The following RIMS2 variants were observed in gnomAD, a reference collection of about 807,000 sequenced individuals.
RIMS2 encodes regulating synaptic membrane exocytosis 2, also known as regulating synaptic membrane exocytosis protein 2.
A neutral mutation model predicts 174.4 loss-of-function variants in RIMS2; 59 were observed. The ratio of observed to expected loss-of-function variants is 0.34; its 90% confidence interval spans 0.27 to 0.42. The LOEUF (loss-of-function observed/expected upper bound fraction) is 0.42, where lower values mean the gene tolerates loss of function less well. RIMS2 is among the 10% of genes least tolerant of loss of function. The pLI, the probability that RIMS2 is intolerant of heterozygous loss-of-function variation, is 1.00. For missense variants in RIMS2, 1,620 were observed against 1,666.3 expected, an observed-to-expected ratio of 0.97 and a Z score of 0.48; for synonymous variants, 606 against 572.5, an observed-to-expected ratio of 1.06 and a Z score of -0.84.
intron 4 of RIMS2, among the ~76,000 whole-genome samples, chr8:103,903,804 G>A (rs1594859959): frequency 6.6e-6 from 1 of 152,206 alleles, no homozygotes. Flanking sequence ...TGATGGGGTG[G>A]TGACAGTCTA....
intron 1 of RIMS2, among the ~76,000 whole-genome samples, chr8:103,676,101 A>G (rs2096806435): frequency 6.6e-6 from 1 of 152,204 alleles, no homozygotes; most frequent in Non-Finnish European, 1.5e-5. Flanking sequence ...TGGCCAGAAA[A>G]CTACCTTAAA....
chr8:104,000,815 G>A (rs1178530515), intron 17 of RIMS2, among the ~76,000 whole-genome samples: 1 of 151,856 alleles, frequency 6.6e-6, no homozygotes, highest in African/African-American at 2.4e-5. Flanking sequence ...AATTAGTGAT[G>A]TTGAGCATTT....
At chr8:103,886,346 T>A in intron 4 of RIMS2, 123 bp downstream of exon 7, 1 of 793,936 alleles carries the variant, frequency 1.3e-6, no homozygotes, top group Non-Finnish European at 1.9e-6. Context: ...AGTCTTTTAA[T>A]GGCATCGAAC....
intron 19 of RIMS2, among the ~76,000 whole-genome samples, chr8:104,180,804 T>C (rs2098935318): frequency 6.6e-6 from 1 of 151,734 alleles, no homozygotes; most frequent in Non-Finnish European, 1.5e-5. Context: ...ATTTTTTAAA[T>C]GTATTAATAA....
chr8:103,605,800 A>T (rs1319480498), intron 1 of RIMS2, among the ~76,000 whole-genome samples: 2 of 151,974 alleles, frequency 1.3e-5, no homozygotes, highest in African/African-American at 4.8e-5. Flanking sequence ...AGGTGTTTGT[A>T]GTATTCTCTG....
chr8:104,044,622 A>T (rs1054754920), intron 19 of RIMS2, among the ~76,000 whole-genome samples: 1 of 151,712 alleles, frequency 6.6e-6, no homozygotes, highest in Non-Finnish European at 1.5e-5. Flanking sequence ...TTCTAAATTA[A>T]TTATCATAGT....
At chr8:103,779,106 G>C (rs2098354544) in intron 3 of RIMS2, among the ~76,000 whole-genome samples, 1 of 152,020 alleles carries the variant, frequency 6.6e-6, no homozygotes, top group Non-Finnish European at 1.5e-5. Flanking sequence ...TTGGTTTTTT[G>C]CTACTGAGTT....
At chr8:103,626,215 T>G (rs1037073069) in intron 1 of RIMS2, among the ~76,000 whole-genome samples, 3 of 152,178 alleles carry the variant, frequency 2.0e-5, no homozygotes, top group African/African-American at 7.2e-5. Flanking sequence ...AATTGTTGAA[T>G]GTTGAAAACC....
intron 1 of RIMS2, among the ~76,000 whole-genome samples, chr8:103,557,150 T>C (rs1158092934): frequency 6.6e-6 from 1 of 152,246 alleles, no homozygotes; most frequent in Non-Finnish European, 1.5e-5. Context: ...CAATAAATGC[T>C]AGTAGATTCT....
rs150605789 is a variant in RIMS2 at position 103,929,011 on chromosome 8, T to C, written c.2244+1122T>C. 3.1e-3 allele frequency among the ~76,000 whole-genome samples: 466 copies of C among 151,752 alleles called. 5 individuals are homozygous for C. The highest frequency in any genetic ancestry group is 0.01 in the African/African-American group (425 of 41,530). On this transcript the variant is annotated intron_variant, in intron 11 of 23. Coordinates refer to ENST00000504942, the Ensembl canonical transcript of RIMS2. ...TATCTATAAAAAACTTCAATGCAAG[T>C]CCTATAATATAAATAAAAATTAGTG...
chr8:104,068,996 A>G (rs1408071793), intron 19 of RIMS2, among the ~76,000 whole-genome samples: 2 of 152,222 alleles, frequency 1.3e-5, no homozygotes, highest in South Asian at 2.1e-4. Flanking sequence ...AACAAAATAC[A>G]AATGGTGCCT....
intron 19 of RIMS2, among the ~76,000 whole-genome samples, chr8:104,153,915 T>C (rs2098705477): frequency 6.6e-6 from 1 of 152,202 alleles, no homozygotes; most frequent in South Asian, 2.1e-4. Flanking sequence ...TAATTTACCA[T>C]TGAATTTGGC....
At chr8:104,004,060 T>G (rs1312229209) in intron 17 of RIMS2, among the ~76,000 whole-genome samples, 1 of 152,192 alleles carries the variant, frequency 6.6e-6, no homozygotes, top group Non-Finnish European at 1.5e-5. Flanking sequence ...AGGGTCCAAG[T>G]GGGTTCTTAG....
chr8:103,640,671 G>T (rs2096209494), intron 1 of RIMS2, among the ~76,000 whole-genome samples: 1 of 151,968 alleles, frequency 6.6e-6, no homozygotes, highest in South Asian at 2.1e-4. Flanking sequence ...TTTCACTATA[G>T]TTGTGCTGTT....
chr8:104,135,450 G>GA (rs917548332), intron 19 of RIMS2, among the ~76,000 whole-genome samples: 8 of 151,632 alleles, frequency 5.3e-5, no homozygotes, highest in African/African-American at 1.7e-4. Context: ...AGGAGAAATA[G>GA]AAAAAATTAG....
At chr8:103,632,656 G>T (rs1319762569) in intron 1 of RIMS2, among the ~76,000 whole-genome samples, 1 of 151,538 alleles carries the variant, frequency 6.6e-6, no homozygotes, top group Non-Finnish European at 1.5e-5. Context: ...CCTGACCTCA[G>T]GTGACCTGCC....
At chr8:103,963,743 T>C (rs1040380006) in intron 15 of RIMS2, among the ~76,000 whole-genome samples, 2 of 152,204 alleles carry the variant, frequency 1.3e-5, no homozygotes, top group Non-Finnish European at 2.9e-5. Context: ...TGGGGCTCAC[T>C]CTTGGTGTCA....
chr8:104,016,395 C>T (rs2095906769), intron 19 of RIMS2, among the ~76,000 whole-genome samples: 1 of 151,962 alleles, frequency 6.6e-6, no homozygotes, highest in African/African-American at 2.4e-5. Flanking sequence ...ATTTTATACC[C>T]TTATATAACT....
chr8:103,785,718 G>T (rs948472679), intron 3 of RIMS2, among the ~76,000 whole-genome samples: 3 of 152,080 alleles, frequency 2.0e-5, no homozygotes, highest in African/African-American at 7.2e-5. Flanking sequence ...CAAGGATATT[G>T]GTCTAAAAAT....
Sources: gnomAD v4.1 joint callset for allele counts (sites outside exome capture counted in the v4.1 genomes callset) on GRCh38, gnomAD v4.1.1 for gene constraint, MANE v1.5 for transcripts, NCBI Gene and HGNC (gene_info 2026-07-23, HGNC 2026-07-21) for gene names.